LDLRAD4: variants seen among roughly 807,000 people sequenced by gnomAD.
The protein encoded by LDLRAD4 is low density lipoprotein receptor class A domain containing 4, also known as low-density lipoprotein receptor class A domain-containing protein 4.
Under a neutral mutation model 17.0 loss-of-function variants are expected in LDLRAD4, and 5 were observed. The ratio of observed to expected loss-of-function variants is 0.29; its 90% CI spans 0.15 to 0.62. LDLRAD4 has a LOEUF of 0.62. Ranked by LOEUF, LDLRAD4 falls within the 20% of genes least tolerant of loss-of-function variation. LDLRAD4 has a pLI of 0.84. For missense variants in LDLRAD4, 340 were observed against 424.7 expected, an observed-to-expected ratio of 0.80 and a Z score of 1.75; for synonymous variants, 168 against 171.8, an observed-to-expected ratio of 0.98 and a Z score of 0.17.
intron 1 of LDLRAD4, among the ~76,000 whole-genome samples, chr18:13,331,865 A>G (rs2081883030): frequency 6.6e-6 from 1 of 152,128 alleles, no homozygotes. Context: ...ATTTTCTTTT[A>G]TTAAAATAAT....
At chr18:13,636,665 T>A (rs772222087) in intron 4 of LDLRAD4, among the ~76,000 whole-genome samples, 23 of 151,268 alleles carry the variant, frequency 1.5e-4, no homozygotes, top group Non-Finnish European at 2.9e-4. Context: ...CCAGCTAAAT[T>A]TTTTTTGTAT....
At chr18:13,512,759 A>G (rs944917643) in intron 3 of LDLRAD4, among the ~76,000 whole-genome samples, 1 of 152,144 alleles carries the variant, frequency 6.6e-6, no homozygotes, top group African/African-American at 2.4e-5. Context: ...TTACACCCAT[A>G]TTTTTGGGAT....
chr18:13,556,727 A>T (rs984998340), intron 3 of LDLRAD4, among the ~76,000 whole-genome samples: 1 of 152,120 alleles, frequency 6.6e-6, no homozygotes, highest in Non-Finnish European at 1.5e-5. Flanking sequence ...AAAGGCCATG[A>T]TGGGGAGTGG....
chr18:13,293,061 TA>T (rs1188400281), intron 1 of LDLRAD4, among the ~76,000 whole-genome samples: 1 of 152,204 alleles, frequency 6.6e-6, no homozygotes, highest in Admixed American at 6.5e-5. Flanking sequence ...CATCTTAACT[TA>T]AAAGGTGGAT....
intron 1 of LDLRAD4, among the ~76,000 whole-genome samples, chr18:13,326,375 G>A (rs2081537977): frequency 6.6e-6 from 1 of 152,054 alleles, no homozygotes; most frequent in African/African-American, 2.4e-5. Flanking sequence ...ATGAATGTTT[G>A]AAGAGAAAAA....
intron 1 of LDLRAD4, among the ~76,000 whole-genome samples, chr18:13,250,762 A>G (rs2043187593): frequency 6.6e-6 from 1 of 152,230 alleles, no homozygotes; most frequent in Non-Finnish European, 1.5e-5. Flanking sequence ...AGAAAGGCCT[A>G]GGACTGGATG....
At chr18:13,226,262 C>T (rs1838291395) in intron 1 of LDLRAD4, among the ~76,000 whole-genome samples, 1 of 141,314 alleles carries the variant, frequency 7.1e-6, no homozygotes, top group African/African-American at 2.6e-5. Context: ...CTGAAGCAAT[C>T]TTCCCGCCTT....
chr18:13,375,908 C>T (rs1893976), intron 1 of LDLRAD4, among the ~76,000 whole-genome samples: 69,261 of 152,032 alleles, frequency 0.46, 16,898 homozygotes, highest in Non-Finnish European at 0.55. Flanking sequence ...TGTTAATTAT[C>T]TAGTTTTTAA....
chr18:13,584,519 C>A (rs1312109542), intron 3 of LDLRAD4, among the ~76,000 whole-genome samples: 1 of 152,056 alleles, frequency 6.6e-6, no homozygotes, highest in African/African-American at 2.4e-5. Flanking sequence ...CGTGTTGTTC[C>A]CCTCGGTGAC....
chr18:13,483,736 G>A (rs1357456018), intron 3 of LDLRAD4, among the ~76,000 whole-genome samples: 6 of 152,166 alleles, frequency 3.9e-5, no homozygotes, highest in Non-Finnish European at 7.3e-5. Context: ...TCAGAAAAGT[G>A]GGACTCAGAG....
At chr18:13,298,227 A>G (rs149312852) in intron 1 of LDLRAD4, among the ~76,000 whole-genome samples, 4 of 152,352 alleles carry the variant, frequency 2.6e-5, no homozygotes, top group Non-Finnish European at 5.9e-5. Flanking sequence ...AGCCAGCATT[A>G]TGGTCCTGGT....
intron 1 of LDLRAD4, among the ~76,000 whole-genome samples, chr18:13,383,490 C>T (rs2085544274): frequency 6.6e-6 from 1 of 152,196 alleles, no homozygotes; most frequent in Non-Finnish European, 1.5e-5. Flanking sequence ...TGGGCTGAGA[C>T]TGGAAAGCTG....
chr18:13,512,861 T>C (rs755051137), intron 3 of LDLRAD4, among the ~76,000 whole-genome samples: 3 of 152,232 alleles, frequency 2.0e-5, no homozygotes, highest in Admixed American at 1.3e-4. Context: ...AAAATAAATT[T>C]GGCAGTGGAG....
intron 3 of LDLRAD4, among the ~76,000 whole-genome samples, chr18:13,531,463 A>T (rs2094125560): frequency 7.1e-6 from 1 of 140,368 alleles, no homozygotes; most frequent in African/African-American, 2.6e-5. Context: ...AAAAAAAAAT[A>T]GGTAGCCTCC....
intron 3 of LDLRAD4, chr18:13,612,072 C>T: frequency 1.0e-6 from 1 of 985,484 alleles, no homozygotes; most frequent in Non-Finnish European, 1.2e-6. Context: ...TTGGTAAGCG[C>T]CCTCTCCGGT....
chr18:13,269,150 G>A (rs559367491), intron 1 of LDLRAD4, among the ~76,000 whole-genome samples: 2 of 152,306 alleles, frequency 1.3e-5, no homozygotes, highest in African/African-American at 2.4e-5. Flanking sequence ...AATGCGAGAG[G>A]GCTGAACTAA....
intron 1 of LDLRAD4, among the ~76,000 whole-genome samples, chr18:13,227,591 C>T (rs2041874811): frequency 1.3e-5 from 2 of 152,132 alleles, no homozygotes; most frequent in Non-Finnish European, 2.9e-5. Flanking sequence ...TGAAGAAATA[C>T]CCGAGACTGG....
chr18:13,371,362 C>T (rs1393747422), intron 1 of LDLRAD4, among the ~76,000 whole-genome samples: 1 of 152,190 alleles, frequency 6.6e-6, no homozygotes. Flanking sequence ...TGCTGGAGCC[C>T]ACCTCACAAA....
At chr18:13,513,494 G>T (rs2093814569) in intron 3 of LDLRAD4, among the ~76,000 whole-genome samples, 1 of 152,158 alleles carries the variant, frequency 6.6e-6, no homozygotes, top group Admixed American at 6.5e-5. Context: ...TCTTTTGTTA[G>T]GGAAAATGCA....
Sources: gnomAD v4.1 joint callset for allele counts (sites outside exome capture counted in the v4.1 genomes callset) on GRCh38, gnomAD v4.1.1 for gene constraint, MANE v1.5 for transcripts, NCBI Gene and HGNC (gene_info 2026-07-23, HGNC 2026-07-21) for gene names.